Variants in WAC observed in about 807,000 individuals in gnomAD.
WAC encodes WW domain containing adaptor with coiled-coil.
WAC carries 11 observed loss-of-function variants against 79.6 expected under a neutral mutation model. The observed-to-expected ratio is 0.14, with a 90% CI of 0.09 to 0.23. The LOEUF is 0.23. WAC is among the 10% of genes least tolerant of loss of function. The probability of loss-of-function intolerance (pLI) is 1.00; values close to 1 mark genes in which losing one functional copy is unlikely to be tolerated. For synonymous variants in WAC, 304 were observed against 276.9 expected, an observed-to-expected ratio of 1.10 and a Z score of -0.97; for missense variants, 728 against 773.5, an observed-to-expected ratio of 0.94 and a Z score of 0.70.
intron 3 of WAC, among the ~76,000 whole-genome samples, chr10:28,579,737 A>G (rs1454001406): frequency 1.3e-5 from 2 of 152,226 alleles, no homozygotes; most frequent in African/African-American, 4.8e-5. Context: ...AAAGAGATAC[A>G]CGGAGAAAGT....
At chr10:28,547,187 T>C (rs537834680) in intron 3 of WAC, among the ~76,000 whole-genome samples, 1 of 152,326 alleles carries the variant, frequency 6.6e-6, no homozygotes, top group South Asian at 2.1e-4. Flanking sequence ...TCATTTCATT[T>C]CTCATTTTTA....
chr10:28,590,640 C>A, intron 5 of WAC, 80 bp from the exon 6 acceptor site: 1 of 1,139,318 alleles, frequency 8.8e-7, no homozygotes, highest in Non-Finnish European at 1.2e-6. Flanking sequence ...ATTTGTTAGG[C>A]ATTTGGCCAG....
intron 3 of WAC, among the ~76,000 whole-genome samples, chr10:28,567,370 T>G (rs1056527201): frequency 6.6e-6 from 1 of 152,220 alleles, no homozygotes; most frequent in African/African-American, 2.4e-5. Flanking sequence ...ATTCTGCGTC[T>G]TACTCTTTTG....
chr10:28,576,118 C>G (rs570584839), intron 3 of WAC, among the ~76,000 whole-genome samples: 1 of 152,026 alleles, frequency 6.6e-6, no homozygotes, highest in Non-Finnish European at 1.5e-5. Context: ...CAAAATTGCT[C>G]GACAACATAT....
At chr10:28,537,084 TAC>T (rs1034024373) in intron 3 of WAC, among the ~76,000 whole-genome samples, 2 of 152,174 alleles carry the variant, frequency 1.3e-5, no homozygotes, top group Admixed American at 6.5e-5. Flanking sequence ...TTTGAGAAAA[TAC>T]AGTCAGAAGA....
chr10:28,591,187 A>G (rs1162370545), intron 6 of WAC: 2 of 220,176 alleles, frequency 9.1e-6, no homozygotes, highest in Non-Finnish European at 1.8e-5. Context: ...CTGGACACAA[A>G]TCTCACCGGC....
intron 3 of WAC, 82 bp downstream of exon 3, chr10:28,535,839 TGAA>T (rs781477574): frequency 8.5e-4 from 1,033 of 1,219,108 alleles, no homozygotes; most frequent in Admixed American, 1.1e-3. Context: ...ATTTCTAGCT[TGAA>T]GAAGTTACTG....
chr10:28,542,634 C>T (rs1021721765), intron 3 of WAC, among the ~76,000 whole-genome samples: 1 of 152,146 alleles, frequency 6.6e-6, no homozygotes, highest in Admixed American at 6.5e-5. Context: ...TGGAAGATAC[C>T]TGATACGAGA....
intron 3 of WAC, among the ~76,000 whole-genome samples, chr10:28,540,452 C>G (rs1428459981): frequency 9.2e-5 from 14 of 152,136 alleles, no homozygotes; most frequent in Admixed American, 9.2e-4. Context: ...TACAACTTGC[C>G]AAATTATAGT....
intron 10 of WAC, among the ~76,000 whole-genome samples, chr10:28,612,343 C>A (rs901654305): frequency 2.6e-5 from 4 of 152,182 alleles, no homozygotes; most frequent in African/African-American, 4.8e-5. Flanking sequence ...GTGAGAATCA[C>A]TTGCTTTATT....
At chr10:28,601,689 A>G (rs982176058) in intron 7 of WAC, among the ~76,000 whole-genome samples, 1 of 152,226 alleles carries the variant, frequency 6.6e-6, no homozygotes, top group African/African-American at 2.4e-5. Flanking sequence ...ACGACGTGAT[A>G]CATAGACTAA....
At chr10:28,575,733 A>G (rs1259243768) in intron 3 of WAC, among the ~76,000 whole-genome samples, 1 of 152,178 alleles carries the variant, frequency 6.6e-6, no homozygotes, top group African/African-American at 2.4e-5. Context: ...GTCTTACCAG[A>G]TGTATGATTA....
At chr10:28,543,902 T>C (rs1298350364) in intron 3 of WAC, among the ~76,000 whole-genome samples, 2 of 152,234 alleles carry the variant, frequency 1.3e-5, no homozygotes, top group Non-Finnish European at 2.9e-5. Context: ...TTGTACTTGT[T>C]GTTTGAGGCA....
intron 3 of WAC, among the ~76,000 whole-genome samples, chr10:28,558,523 T>C (rs888356773): frequency 2.0e-5 from 3 of 152,232 alleles, no homozygotes; most frequent in Non-Finnish European, 2.9e-5. Context: ...TGTTTAATTT[T>C]AATTCTTTTG....
At chr10:28,577,550 T>C (rs985242968) in intron 3 of WAC, among the ~76,000 whole-genome samples, 2 of 152,228 alleles carry the variant, frequency 1.3e-5, no homozygotes, top group South Asian at 2.1e-4. Flanking sequence ...AGTACAGATA[T>C]GTGGCTTTCT....
intron 7 of WAC, among the ~76,000 whole-genome samples, chr10:28,599,510 A>G (rs1840537182): frequency 6.6e-6 from 1 of 152,330 alleles, no homozygotes; most frequent in East Asian, 1.9e-4. Context: ...ATGTGTTAAA[A>G]TATTTGTTGT....
chr10:28,557,183 C>T (rs1838045032), intron 3 of WAC, among the ~76,000 whole-genome samples: 1 of 151,964 alleles, frequency 6.6e-6, no homozygotes, highest in South Asian at 2.1e-4. Context: ...TATCCTGACT[C>T]AGGTTCCTGT....
intron 3 of WAC, among the ~76,000 whole-genome samples, chr10:28,550,854 A>G (rs941662190): frequency 5.9e-5 from 9 of 152,174 alleles, no homozygotes; most frequent in African/African-American, 1.9e-4. Context: ...GCTAATTCCA[A>G]ACCATTATCA....
Position 28,620,476 on chromosome 10 carries a change from AAG to A in WAC, c.*873_*874del, listed in dbSNP as rs1301575843. The A allele has an allele frequency of 2.0e-5, 3 of 152,694 alleles. No homozygotes were observed. Among genetic ancestry groups the A allele is most frequent in the Admixed American group, 1.3e-4 (2 of 15,292 alleles). 9.5% of individuals were successfully genotyped at this position (152,694 alleles called of 1,614,324 possible). On this transcript the variant is annotated 3_prime_UTR_variant, in exon 14 of 14. Transcript: ENST00000354911. ...CAATGAACGTGGTTGTGGGAGGGGAAAGAGGAAACAGAGCTAGTCAGATGTGA... is the reference window on the plus strand; with the variant it reads ...CAATGAACGTGGTTGTGGGAGGGGAAAGGAAACAGAGCTAGTCAGATGTGA...
Sources: gnomAD v4.1 joint callset for allele counts (sites outside exome capture counted in the v4.1 genomes callset) on GRCh38, gnomAD v4.1.1 for gene constraint, MANE v1.5 for transcripts, NCBI Gene and HGNC (gene_info 2026-07-23, HGNC 2026-07-21) for gene names.